The following IGSF10 variants were observed in gnomAD, a reference collection of about 807,000 sequenced individuals.
IGSF10 encodes calvaria mechanical force protein 608.
A neutral mutation model predicts 128.2 loss-of-function variants in IGSF10; 126 were observed. That is an observed-to-expected ratio of 0.98 (90% CI 0.85 to 1.14). The LOEUF is 1.14. Among genes scored for constraint, IGSF10 ranks in the 50% most tolerant of loss-of-function variants. The pLI, the probability that IGSF10 is intolerant of heterozygous loss-of-function variation, is 0.00. For synonymous variants in IGSF10, 1,185 were observed against 1,146.2 expected (o/e 1.03, Z -0.68); for missense variants, 3,295 against 3,149.8 (o/e 1.05, Z -1.10).
At chr3:151,547,803 C>A in the IGSF10 span, among the ~76,000 whole-genome samples, 1 of 152,170 alleles carries the variant, frequency 6.6e-6, no homozygotes, top group East Asian at 1.9e-4. Flanking sequence ...AATCCGCCGG[C>A]ATGTTATTTA....
rs760244263 is a variant in IGSF10, at chr3:151,446,064, G to A, written c.3917C>T (p.Ser1306Leu). 5.0e-6 allele frequency: 8 copies of A among 1,613,996 alleles called. No individual in the cohort carries two copies. The highest frequency in any genetic ancestry group is 6.8e-6 in the Non-Finnish European group (8 of 1,180,020). ...PMLPSIISKDSSTKSIISTQT... is the reference protein window; with the variant it reads ...PMLPSIISKDLSTKSIISTQT... ...CGTTGATATGATGCTTTTTGTACTT[G>A]AGTCTTTGCTTATAATACTAGGAAG... is the stretch of plus-strand genomic sequence containing the variant. The change falls in exon 6 of 8, where the codon TCA (serine) becomes TTA (leucine). Residue 1306 changes from serine to leucine, a missense_variant. Physicochemically the swap from Ser to Leu is moderately radical, Grantham distance 145. Coordinates refer to ENST00000282466, the MANE Select transcript of IGSF10 (RefSeq NM_178822.5).
At chr3:151,465,065 A>G (rs1348268203), upstream of IGSF10, among the ~76,000 whole-genome samples, 3 of 152,250 alleles carry the variant, frequency 2.0e-5, no homozygotes, top group Non-Finnish European at 4.4e-5. Context: ...TATAGGAAAT[A>G]GAAAAACTAC....
chr3:151,434,010 G>A (rs1719813737), downstream of IGSF10: 1 of 152,604 alleles, frequency 6.6e-6, no homozygotes, highest in African/African-American at 2.4e-5. Flanking sequence ...TTATCAGTTT[G>A]TGTAACTTAA....
the IGSF10 span, among the ~76,000 whole-genome samples, chr3:151,491,303 G>A: frequency 1.2e-4 from 18 of 152,128 alleles, no homozygotes; most frequent in African/African-American, 3.6e-4. Context: ...TTGACCAGGC[G>A]TGGTGGCTCA....
chr3:151,544,755 T>C, the IGSF10 span, among the ~76,000 whole-genome samples: 1 of 152,072 alleles, frequency 6.6e-6, no homozygotes, highest in Admixed American at 6.6e-5. Flanking sequence ...CTGTGTTTTA[T>C]TTATTGTATT....
chr3:151,563,467 T>C, the IGSF10 span, among the ~76,000 whole-genome samples: 1 of 152,110 alleles, frequency 6.6e-6, no homozygotes, highest in Non-Finnish European at 1.5e-5. Context: ...TTCCATGAGC[T>C]TCACTGCCAA....
At chr3:151,608,699 G>A in the IGSF10 span, among the ~76,000 whole-genome samples, 1 of 151,850 alleles carries the variant, frequency 6.6e-6, no homozygotes, top group East Asian at 1.9e-4. Context: ...ACTATATTTT[G>A]GACATTAGGG....
the IGSF10 span, among the ~76,000 whole-genome samples, chr3:151,510,230 G>A: frequency 6.6e-6 from 1 of 152,318 alleles, no homozygotes; most frequent in South Asian, 2.1e-4. Context: ...ACCCCCAGTA[G>A]GGGCGGACTG....
the IGSF10 span, among the ~76,000 whole-genome samples, chr3:151,617,306 T>C: frequency 4.9e-4 from 64 of 130,864 alleles, no homozygotes; most frequent in African/African-American, 1.5e-3. Flanking sequence ...TTCTTCTTCT[T>C]CTTCTTCTTC....
At chr3:151,441,797 C>T (rs1019188837) in intron 7 of IGSF10, among the ~76,000 whole-genome samples, 2 of 152,192 alleles carry the variant, frequency 1.3e-5, no homozygotes, top group African/African-American at 2.4e-5. Flanking sequence ...CACGGTGGCT[C>T]ATGCCTGTAA....
intron 7 of IGSF10, 124 bp downstream of exon 7, chr3:151,442,856 CCTTT>C: frequency 1.5e-6 from 1 of 656,220 alleles, no homozygotes; most frequent in Non-Finnish European, 2.3e-6. Context: ...GAGAGAGTTT[CCTTT>C]ATGTCCAAAG....
At chr3:151,436,017 T>G (rs1577652888), downstream of IGSF10, 1 of 152,276 alleles carries the variant, frequency 6.6e-6, no homozygotes, top group East Asian at 1.9e-4. Context: ...TTTTAATGGG[T>G]GTATTTGGAC....
At chr3:151,509,255 C>T in the IGSF10 span, among the ~76,000 whole-genome samples, 1 of 152,152 alleles carries the variant, frequency 6.6e-6, no homozygotes, top group African/African-American at 2.4e-5. Context: ...AAATACTTTA[C>T]CAGATTTTCA....
the IGSF10 span, among the ~76,000 whole-genome samples, chr3:151,584,177 G>T: frequency 2.0e-4 from 30 of 152,206 alleles, no homozygotes; most frequent in African/African-American, 7.2e-4. Context: ...CTGGTGGATT[G>T]ATCCTTTTAT....
chr3:151,546,964 T>C, the IGSF10 span, among the ~76,000 whole-genome samples: 3 of 152,070 alleles, frequency 2.0e-5, no homozygotes, highest in Non-Finnish European at 4.4e-5. Flanking sequence ...AGAGATGGGG[T>C]TTCACCATGT....
At chr3:151,487,033 T>C in the IGSF10 span, among the ~76,000 whole-genome samples, 1 of 150,936 alleles carries the variant, frequency 6.6e-6, no homozygotes, top group Non-Finnish European at 1.5e-5. Flanking sequence ...AAAAAAAAAT[T>C]AATGAATCCA....
At position 151,437,577 on chromosome 3, in the gene IGSF10, T is replaced by C. The variant is rs758859613; in HGVS notation, c.6984A>G (p.Leu2328=). ...EGGESVLVVQ[L]EVLEMLRRPT... ...GTCTTCTCAGCATTTCCAGTACTTC[T>C]AACTGTACTACCAACACGCTCTCTC... Residue 2328 remains leucine (L), a synonymous_variant, in exon 8 of 8, where the codon TTA becomes TTG. Transcript: ENST00000282466. 2 of 1,614,212 alleles carry C rather than the reference T, an allele frequency of 1.2e-6. No homozygotes were observed. The highest frequency in any genetic ancestry group is 1.7e-6 in the Non-Finnish European group (2 of 1,180,036).
chr3:151,436,835 C>CT lies in IGSF10; in HGVS notation c.7725dup (p.Glu2576ArgfsTer7), dbSNP rs761477551. On this transcript the variant is annotated frameshift_variant, in exon 8 of 8. Transcript: ENST00000282466. LOFTEE classifies it low-confidence loss of function (END_TRUNC). Reference sequence around the variant, plus strand: ...AGCTGCTCACTTCCATGTGTCCTCTCTTTACTTGCCGTTGAGAGAAGGGAG... The same window carrying CT: ...AGCTGCTCACTTCCATGTGTCCTCTCTTTTACTTGCCGTTGAGAGAAGGGAG... 1 of 1,614,196 alleles carries CT rather than the reference C, an allele frequency of 6.2e-7. No individual in the cohort carries two copies. Among genetic ancestry groups the CT allele is most frequent in the Non-Finnish European group, 8.5e-7 (1 of 1,180,044 alleles).
In IGSF10 at chr3:151,450,980, C is replaced by G. The variant is rs1369603355; in HGVS notation, c.716-1715G>C. ...TATTCCTTTACCTACTTATCAGTACCCTGGGCTAAGACAACATGGCAGACT... is the reference window on the plus strand; with the variant it reads ...TATTCCTTTACCTACTTATCAGTACGCTGGGCTAAGACAACATGGCAGACT... On this transcript the variant is annotated intron_variant, in intron 5 of 7. Transcript: ENST00000282466. Among the ~76,000 whole-genome samples, 4 of 151,766 alleles carry G rather than the reference C, an allele frequency of 2.6e-5. 1 individual carries two copies. The South Asian group carries it at 6.3e-4, about 24-fold the overall frequency.
Sources: allele counts gnomAD v4.1 joint callset (sites outside exome capture counted in the v4.1 genomes callset), GRCh38; gene constraint gnomAD v4.1.1; transcripts MANE v1.5; gene names NCBI Gene and HGNC (gene_info 2026-07-23, HGNC 2026-07-21).